Variants in UNC93A observed in about 807,000 individuals in gnomAD.
UNC93A encodes unc-93 homolog A, also known as N-acetylglucosamine transporter UNC93A.
UNC93A carries 43 observed loss-of-function variants against 47.5 expected under a neutral mutation model. That is an observed-to-expected ratio of 0.91 (90% CI 0.71 to 1.17). UNC93A has a LOEUF of 1.17. Ranked by LOEUF, UNC93A falls within the 50% of genes most tolerant of loss-of-function variation. The pLI, the probability that UNC93A is intolerant of heterozygous loss-of-function variation, is 0.00. For missense variants in UNC93A, 605 were observed against 577.6 expected, an observed-to-expected ratio of 1.05 and a Z score of -0.49; for synonymous variants, 280 against 258.0, an observed-to-expected ratio of 1.09 and a Z score of -0.82.
At chr6:167,308,265 T>C (rs1054129695) in intron 7 of UNC93A, among the ~76,000 whole-genome samples, 1 of 152,098 alleles carries the variant, frequency 6.6e-6, no homozygotes, top group Non-Finnish European at 1.5e-5. Flanking sequence ...CAGATGTGCT[T>C]GTGAGCAGAG....
At chr6:167,278,143 C>T (rs206979) in intron 1 of UNC93A, among the ~76,000 whole-genome samples, 3,605 of 152,220 alleles carry the variant, frequency 0.024, 142 homozygotes, top group African/African-American at 0.077. Flanking sequence ...GACAGGGCTA[C>T]CACAAAGGAA....
intron 7 of UNC93A, among the ~76,000 whole-genome samples, chr6:167,309,389 C>G (rs1778494055): frequency 6.6e-6 from 1 of 151,930 alleles, no homozygotes; most frequent in Admixed American, 6.5e-5. Context: ...AGGGTAGGAA[C>G]CCTGAATTTC....
At chr6:167,276,298 G>A (rs564220829) in intron 1 of UNC93A, among the ~76,000 whole-genome samples, 1 of 150,850 alleles carries the variant, frequency 6.6e-6, no homozygotes, top group African/African-American at 2.5e-5. Flanking sequence ...TATTGTGACA[G>A]TATTGGGATG....
chr6:167,315,092 G>A (rs760878882), intron 7 of UNC93A, 95 bp from the exon 8 acceptor site: 71 of 1,521,370 alleles, frequency 4.7e-5, no homozygotes, highest in Non-Finnish European at 5.9e-5. Context: ...TGATTTAGTT[G>A]AGAAAATGGG....
chr6:167,278,819 C>T (rs944793803), intron 1 of UNC93A, among the ~76,000 whole-genome samples: 2 of 152,172 alleles, frequency 1.3e-5, no homozygotes, highest in Non-Finnish European at 2.9e-5. Context: ...CGGCTCTGTT[C>T]CCACAGGGTG....
chr6:167,284,890 C>T (rs1193409593), intron 1 of UNC93A, among the ~76,000 whole-genome samples: 3 of 151,744 alleles, frequency 2.0e-5, no homozygotes, highest in South Asian at 2.1e-4. Flanking sequence ...ACCTTGGGAA[C>T]GCCGGACACA....
chr6:167,295,425 G>A (rs1383294356), intron 2 of UNC93A, among the ~76,000 whole-genome samples: 5 of 136,840 alleles, frequency 3.7e-5, no homozygotes, highest in Admixed American at 7.0e-5. Flanking sequence ...CGCCTCCCTC[G>A]TGATCCTCGG....
At chr6:167,276,301 T>C (rs73257121) in intron 1 of UNC93A, among the ~76,000 whole-genome samples, 9,896 of 152,096 alleles carry the variant, frequency 0.065, 622 homozygotes, top group African/African-American at 0.17. Flanking sequence ...TGTGACAGTA[T>C]TGGGATGAAT....
intron 1 of UNC93A, among the ~76,000 whole-genome samples, chr6:167,278,435 C>G (rs1183856079): frequency 6.6e-6 from 1 of 152,204 alleles, no homozygotes; most frequent in African/African-American, 2.4e-5. Flanking sequence ...TGCAGCACCA[C>G]AACTCCATGG....
At chr6:167,305,558 G>GTTT in intron 5 of UNC93A, among the ~76,000 whole-genome samples, 1 of 149,774 alleles carries the variant, frequency 6.7e-6, no homozygotes, top group East Asian at 2.0e-4. Context: ...TTCTCTCTCT[G>GTTT]TTTTTTTTTT....
intron 7 of UNC93A, among the ~76,000 whole-genome samples, chr6:167,308,747 A>G (rs1196585369): frequency 6.6e-6 from 1 of 152,038 alleles, no homozygotes; most frequent in African/African-American, 2.4e-5. Context: ...AAGCAGCAGA[A>G]AGCGCTGACA....
At chr6:167,274,959 T>C (rs979699580) in intron 1 of UNC93A, among the ~76,000 whole-genome samples, 7 of 152,194 alleles carry the variant, frequency 4.6e-5, no homozygotes. Flanking sequence ...AAATAAGTCC[T>C]TCATACATCA....
intron 1 of UNC93A, among the ~76,000 whole-genome samples, chr6:167,279,388 T>C (rs1392757289): frequency 6.6e-6 from 1 of 152,258 alleles, no homozygotes; most frequent in African/African-American, 2.4e-5. Flanking sequence ...ACCATATAAA[T>C]GTTTTCACTT....
chr6:167,307,179 C>G (rs1185749034), intron 6 of UNC93A, among the ~76,000 whole-genome samples: 1 of 152,224 alleles, frequency 6.6e-6, no homozygotes, highest in Non-Finnish European at 1.5e-5. Context: ...GGGGCAACCT[C>G]AGGCCCAGAC....
intron 1 of UNC93A, among the ~76,000 whole-genome samples, chr6:167,275,291 C>T (rs538148933): frequency 1.3e-5 from 2 of 152,242 alleles, no homozygotes; most frequent in Non-Finnish European, 1.5e-5. Flanking sequence ...CCACACAGCA[C>T]CAGTCCCAAC....
intron 5 of UNC93A, among the ~76,000 whole-genome samples, chr6:167,304,744 ATTTT>A (rs1778335002): frequency 1.3e-5 from 2 of 151,922 alleles, no homozygotes; most frequent in South Asian, 4.2e-4. Context: ...GTAATTTTGT[ATTTT>A]TAGTAGAGAC....
At chr6:167,270,883 C>A (rs1783440605), upstream of UNC93A, among the ~76,000 whole-genome samples, 1 of 152,172 alleles carries the variant, frequency 6.6e-6, no homozygotes, top group Non-Finnish European at 1.5e-5. Flanking sequence ...CTCCCGGCCT[C>A]CAGGCTGGGG....
intron 7 of UNC93A, among the ~76,000 whole-genome samples, chr6:167,311,070 A>G (rs1778542423): frequency 6.6e-6 from 1 of 152,168 alleles, no homozygotes. Flanking sequence ...TGGAAATTTT[A>G]TGTAGCTTTG....
At chr6:167,286,216 C>G (rs2981956) in intron 1 of UNC93A, among the ~76,000 whole-genome samples, 1 of 151,930 alleles carries the variant, frequency 6.6e-6, no homozygotes, top group Non-Finnish European at 1.5e-5. Context: ...ATATCGAGTA[C>G]CTTTCCAGTC....
Sources: allele counts gnomAD v4.1 joint callset (sites outside exome capture counted in the v4.1 genomes callset), GRCh38; gene constraint gnomAD v4.1.1; transcripts MANE v1.5; gene names NCBI Gene and HGNC (gene_info 2026-07-23, HGNC 2026-07-21).